The following XRCC4 variants were observed in gnomAD, a reference collection of about 807,000 sequenced individuals.
XRCC4 encodes X-ray repair cross complementing 4, also known as DNA repair protein XRCC4.
Under a neutral mutation model 39.1 loss-of-function variants are expected in XRCC4, and 28 were observed. The ratio of observed to expected loss-of-function variants is 0.72; its 90% CI spans 0.53 to 0.98. XRCC4 has a LOEUF of 0.98. Ranked by LOEUF, XRCC4 falls within the 50% of genes least tolerant of loss-of-function variation. The pLI, the probability that XRCC4 is intolerant of heterozygous loss-of-function variation, is 0.00. For missense variants in XRCC4, 350 were observed against 376.4 expected (o/e 0.93, Z 0.58); for synonymous variants, 123 against 126.4 (o/e 0.97, Z 0.18).
intron 3 of XRCC4, among the ~76,000 whole-genome samples, chr5:83,173,516 T>C (rs978821917): frequency 3.9e-5 from 6 of 152,148 alleles, no homozygotes; most frequent in Admixed American, 1.3e-4. Flanking sequence ...CTTCAAGAAG[T>C]CTTTCTAGAT....
intron 7 of XRCC4, among the ~76,000 whole-genome samples, chr5:83,335,914 C>T (rs1225265614): frequency 6.6e-6 from 1 of 151,944 alleles, no homozygotes; most frequent in African/African-American, 2.4e-5. Context: ...AGTTGCAAAT[C>T]TCCTGTATGT....
intron 6 of XRCC4, among the ~76,000 whole-genome samples, chr5:83,244,785 G>A (rs1256021830): frequency 3.3e-5 from 5 of 152,122 alleles, no homozygotes; most frequent in Admixed American, 3.3e-4. Flanking sequence ...CTCACCTCTT[G>A]TATTTCTCTT....
At chr5:83,080,202 C>T (rs987433190) in intron 1 of XRCC4, among the ~76,000 whole-genome samples, 2 of 152,112 alleles carry the variant, frequency 1.3e-5, no homozygotes, top group Non-Finnish European at 2.9e-5. Context: ...GTTTCAGTTA[C>T]CCATGATCAA....
At chr5:83,130,696 G>C (rs1386171241) in intron 3 of XRCC4, among the ~76,000 whole-genome samples, 1 of 152,130 alleles carries the variant, frequency 6.6e-6, no homozygotes, top group African/African-American at 2.4e-5. Context: ...GTTTAGTCTT[G>C]GGAGGGTGTA....
chr5:83,270,055 G>A (rs988695521), intron 7 of XRCC4, among the ~76,000 whole-genome samples: 1 of 152,170 alleles, frequency 6.6e-6, no homozygotes, highest in Non-Finnish European at 1.5e-5. Flanking sequence ...GGGAGACAGT[G>A]ACGGATTAGC....
intron 6 of XRCC4, among the ~76,000 whole-genome samples, chr5:83,243,867 G>A (rs149098199): frequency 7.2e-4 from 110 of 152,186 alleles, no homozygotes; most frequent in African/African-American, 2.5e-3. Flanking sequence ...TGACCTACCC[G>A]GCATTCCTAA....
intron 3 of XRCC4, among the ~76,000 whole-genome samples, chr5:83,146,045 CT>C (rs1748437325): frequency 6.6e-6 from 1 of 152,152 alleles, no homozygotes; most frequent in Admixed American, 6.5e-5. Flanking sequence ...TATTATTGAA[CT>C]TTCCACTTGT....
chr5:83,160,530 A>G (rs950972054), intron 3 of XRCC4, among the ~76,000 whole-genome samples: 7 of 152,096 alleles, frequency 4.6e-5, no homozygotes, highest in South Asian at 2.1e-4. Context: ...CCAAAATGAG[A>G]TTATATATGT....
At chr5:83,114,606 A>G (rs1364570337) in intron 3 of XRCC4, among the ~76,000 whole-genome samples, 1 of 152,202 alleles carries the variant, frequency 6.6e-6, no homozygotes, top group Non-Finnish European at 1.5e-5. Flanking sequence ...TTTTGTTCCA[A>G]GCCATTCAAC....
At chr5:83,164,536 A>T (rs567441878) in intron 3 of XRCC4, among the ~76,000 whole-genome samples, 1 of 152,238 alleles carries the variant, frequency 6.6e-6, no homozygotes, top group African/African-American at 2.4e-5. Flanking sequence ...CTATAATAAT[A>T]GTGTATTGTG....
At chr5:83,144,908 T>G (rs186282962) in intron 3 of XRCC4, among the ~76,000 whole-genome samples, 147 of 152,272 alleles carry the variant, frequency 9.7e-4, no homozygotes, top group African/African-American at 3.3e-3. Context: ...ATTATTATTA[T>G]TATTTGAGAC....
chr5:83,107,060 T>C (rs1580227214), intron 2 of XRCC4, among the ~76,000 whole-genome samples: 1 of 152,024 alleles, frequency 6.6e-6, no homozygotes, highest in East Asian at 1.9e-4. Context: ...AGGTGGATTG[T>C]TACCATTTTG....
chr5:83,306,269 G>C (rs1483297553), intron 7 of XRCC4, among the ~76,000 whole-genome samples: 2 of 152,016 alleles, frequency 1.3e-5, no homozygotes, highest in Non-Finnish European at 1.5e-5. Context: ...AGATCACAGA[G>C]CAGAAAAATG....
At chr5:83,253,194 G>A (rs1753393263) in intron 6 of XRCC4, among the ~76,000 whole-genome samples, 1 of 152,160 alleles carries the variant, frequency 6.6e-6, no homozygotes, top group Admixed American at 6.5e-5. Flanking sequence ...TTGCCCTGCA[G>A]CCCTTGGTAT....
intron 6 of XRCC4, among the ~76,000 whole-genome samples, chr5:83,235,295 A>G (rs1019919092): frequency 6.8e-6 from 1 of 147,082 alleles, no homozygotes; most frequent in African/African-American, 2.5e-5. Context: ...AGATGGCACC[A>G]CTATACTCCA....
At chr5:83,369,870 A>G in the XRCC4 span, among the ~76,000 whole-genome samples, 1 of 152,178 alleles carries the variant, frequency 6.6e-6, no homozygotes, top group Non-Finnish European at 1.5e-5. Flanking sequence ...TCCCACCATC[A>G]GTGTGTAAAT....
chr5:83,263,289 A>G (rs902912163), intron 7 of XRCC4, among the ~76,000 whole-genome samples: 1 of 151,830 alleles, frequency 6.6e-6, no homozygotes, highest in African/African-American at 2.4e-5. Flanking sequence ...ATTGTGAACA[A>G]TGCCGCAGTA....
chr5:83,297,123 AT>A (rs1461148161), intron 7 of XRCC4, among the ~76,000 whole-genome samples: 1 of 151,906 alleles, frequency 6.6e-6, no homozygotes. Context: ...CTAACAAAAT[AT>A]AAGTAAACTG....
intron 7 of XRCC4, among the ~76,000 whole-genome samples, chr5:83,304,670 G>A (rs977136641): frequency 6.6e-6 from 1 of 152,016 alleles, no homozygotes; most frequent in Non-Finnish European, 1.5e-5. Context: ...GAAACTCTTG[G>A]TCAAATTTAC....
Sources: gnomAD v4.1 joint callset for allele counts (sites outside exome capture counted in the v4.1 genomes callset) on GRCh38, gnomAD v4.1.1 for gene constraint, MANE v1.5 for transcripts, NCBI Gene and HGNC (gene_info 2026-07-23, HGNC 2026-07-21) for gene names.